LRRC4C: variants seen among roughly 807,000 people sequenced by gnomAD.
LRRC4C encodes leucine rich repeat containing 4C, also known as leucine-rich repeat-containing protein 4C.
In LRRC4C, 5 loss-of-function variants were observed where a neutral mutation model predicts 33.6. The ratio of observed to expected loss-of-function variants is 0.15; its 90% confidence interval spans 0.08 to 0.31. LRRC4C has a LOEUF of 0.31. Among genes scored for constraint, LRRC4C ranks in the 10% least tolerant of loss-of-function variants. The pLI is 1.00. For synonymous variants in LRRC4C, 329 were observed against 302.0 expected (o/e 1.09, Z -0.93); for missense variants, 560 against 796.7 (o/e 0.70, Z 3.58).
intron 1 of LRRC4C, among the ~76,000 whole-genome samples, chr11:40,966,752 C>T (rs1383303540): frequency 6.6e-5 from 10 of 151,760 alleles, no homozygotes; most frequent in Admixed American, 6.6e-4. Context: ...CTTCTTTTTT[C>T]CTACCACAAT....
At chr11:40,367,606 G>A (rs1044535777) in intron 3 of LRRC4C, among the ~76,000 whole-genome samples, 59 of 152,118 alleles carry the variant, frequency 3.9e-4, no homozygotes, top group African/African-American at 1.3e-3. Flanking sequence ...CCAACATATC[G>A]TATATAGAAT....
intron 1 of LRRC4C, among the ~76,000 whole-genome samples, chr11:41,319,683 T>C (rs1950898357): frequency 6.6e-6 from 1 of 152,100 alleles, no homozygotes. Context: ...TCTGAGAAAC[T>C]AGAACTACAG....
chr11:40,986,861 A>T (rs1292506154), intron 1 of LRRC4C, among the ~76,000 whole-genome samples: 2 of 152,230 alleles, frequency 1.3e-5, no homozygotes, highest in Admixed American at 6.5e-5. Flanking sequence ...CCTCCTGATC[A>T]TATAGTACAA....
chr11:40,908,439 A>AT (rs1255632762), intron 2 of LRRC4C, among the ~76,000 whole-genome samples: 1 of 152,148 alleles, frequency 6.6e-6, no homozygotes, highest in Non-Finnish European at 1.5e-5. Flanking sequence ...GATAAGCTTT[A>AT]TTTGCTGGAG....
intron 2 of LRRC4C, among the ~76,000 whole-genome samples, chr11:40,914,869 A>T (rs922815805): frequency 5.9e-5 from 9 of 152,194 alleles, no homozygotes; most frequent in African/African-American, 2.2e-4. Context: ...TACAAAATCA[A>T]TGTACAAAAA....
At chr11:40,889,763 T>C (rs1955619759) in intron 2 of LRRC4C, among the ~76,000 whole-genome samples, 1 of 152,158 alleles carries the variant, frequency 6.6e-6, no homozygotes, top group Non-Finnish European at 1.5e-5. Context: ...CGTCACATTC[T>C]GTTTAAACTT....
rs139822016 is a variant in LRRC4C at position 41,113,023 on chromosome 11, T to A, written c.-495-179300A>T. Among the ~76,000 whole-genome samples the A allele has an allele frequency of 9.1e-3, 1,381 of 152,242 alleles. 18 individuals carry two copies. Among genetic ancestry groups the A allele is most frequent in the African/African-American group, 0.032 (1,316 of 41,560 alleles). Reference sequence around the variant, plus strand: ...CTAAACAAGTACATTTTCTGAAGTCTTTATTTGTGTATAGGTTGAGACATA... The same window carrying A: ...CTAAACAAGTACATTTTCTGAAGTCATTATTTGTGTATAGGTTGAGACATA... On this transcript the variant is annotated intron_variant, in intron 1 of 6. Transcript: ENST00000528697.
intron 3 of LRRC4C, among the ~76,000 whole-genome samples, chr11:40,637,118 C>T (rs1031097283): frequency 1.3e-5 from 2 of 152,208 alleles, no homozygotes; most frequent in East Asian, 3.8e-4. Context: ...ACTCTAGGAA[C>T]ATTTTAAAAG....
chr11:40,987,064 C>T (rs1456324412), intron 1 of LRRC4C, among the ~76,000 whole-genome samples: 9 of 152,274 alleles, frequency 5.9e-5, no homozygotes, highest in African/African-American at 2.2e-4. Context: ...CATAACAACC[C>T]TCTGACATAG....
chr11:41,332,262 A>T (rs886996147), intron 1 of LRRC4C, among the ~76,000 whole-genome samples: 3 of 152,240 alleles, frequency 2.0e-5, no homozygotes, highest in African/African-American at 7.2e-5. Flanking sequence ...ACAAACATAT[A>T]CAATTTTATA....
intron 1 of LRRC4C, among the ~76,000 whole-genome samples, chr11:41,367,143 C>A (rs1952573752): frequency 6.6e-6 from 1 of 152,098 alleles, no homozygotes; most frequent in African/African-American, 2.4e-5. Flanking sequence ...AGAGATGAGG[C>A]TTTTGCTGGC....
intron 3 of LRRC4C, among the ~76,000 whole-genome samples, chr11:40,640,523 A>T (rs908020644): frequency 3.2e-4 from 49 of 151,906 alleles, no homozygotes; most frequent in Admixed American, 9.8e-4. Flanking sequence ...ATTTTTTTTT[A>T]AAAAGGATGA....
At chr11:41,084,454 A>G (rs1939806171) in intron 1 of LRRC4C, among the ~76,000 whole-genome samples, 1 of 152,226 alleles carries the variant, frequency 6.6e-6, no homozygotes, top group South Asian at 2.1e-4. Context: ...TTTAAATGTT[A>G]CTATCTTATT....
intron 2 of LRRC4C, among the ~76,000 whole-genome samples, chr11:40,753,273 C>T (rs1392329002): frequency 2.6e-5 from 4 of 151,636 alleles, no homozygotes; most frequent in Admixed American, 1.3e-4. Flanking sequence ...CTGTATAATT[C>T]GAAGTATAAG....
chr11:41,342,524 G>A (rs1459776322), intron 1 of LRRC4C, among the ~76,000 whole-genome samples: 3 of 152,128 alleles, frequency 2.0e-5, no homozygotes, highest in Non-Finnish European at 4.4e-5. Flanking sequence ...AGACCAGCCT[G>A]ATCAACATGG....
intron 3 of LRRC4C, among the ~76,000 whole-genome samples, chr11:40,603,511 A>G (rs1421305746): frequency 2.6e-5 from 4 of 152,230 alleles, no homozygotes; most frequent in African/African-American, 9.6e-5. Flanking sequence ...GAGTATATGA[A>G]AAAAGCAAAG....
At chr11:41,059,210 G>GTTTTGTT (rs1858872579) in intron 1 of LRRC4C, among the ~76,000 whole-genome samples, 1 of 125,196 alleles carries the variant, frequency 8.0e-6, no homozygotes, top group Admixed American at 8.9e-5. Context: ...TAAAATAAAA[G>GTTTTGTT]TTTTTTTTTT....
At chr11:40,815,650 T>C (rs1951678410) in intron 2 of LRRC4C, among the ~76,000 whole-genome samples, 1 of 152,156 alleles carries the variant, frequency 6.6e-6, no homozygotes, top group Non-Finnish European at 1.5e-5. Flanking sequence ...ATTTATGGCA[T>C]ATGTCCTTCC....
intron 2 of LRRC4C, among the ~76,000 whole-genome samples, chr11:40,727,095 C>T (rs1452295131): frequency 3.3e-5 from 5 of 152,152 alleles, no homozygotes; most frequent in Middle Eastern, 3.4e-3. Flanking sequence ...TGAAAGAAAT[C>T]GTAGTTGAGA....
Sources: gnomAD v4.1 joint callset for allele counts (sites outside exome capture counted in the v4.1 genomes callset) on GRCh38, gnomAD v4.1.1 for gene constraint, MANE v1.5 for transcripts, NCBI Gene and HGNC (gene_info 2026-07-23, HGNC 2026-07-21) for gene names.